PIK3CD: variants seen among roughly 807,000 people sequenced by gnomAD.
PIK3CD encodes phosphatidylinositol 4,5-bisphosphate 3-kinase catalytic subunit delta isoform.
In PIK3CD, 20 loss-of-function variants were observed where a neutral mutation model predicts 122.9. That is an observed-to-expected ratio of 0.16 (90% CI 0.11 to 0.24). PIK3CD has a LOEUF of 0.24. PIK3CD is among the 10% of genes least tolerant of loss of function. PIK3CD has a pLI of 1.00. For missense variants in PIK3CD, 787 were observed against 1,406.3 expected (o/e 0.56, Z 7.04); for synonymous variants, 596 against 593.4 (o/e 1.00, Z -0.06).
chr1:9,674,204 G>C (rs1645427686), intron 1 of PIK3CD, among the ~76,000 whole-genome samples: 1 of 152,194 alleles, frequency 6.6e-6, no homozygotes, highest in Non-Finnish European at 1.5e-5. Context: ...CCAGAAAGGG[G>C]GCATCAGGTA....
chr1:9,653,569 C>T (rs1232559475), intron 1 of PIK3CD: 2 of 352,704 alleles, frequency 5.7e-6, no homozygotes, highest in Admixed American at 3.9e-5. Flanking sequence ...GAGAGGCACC[C>T]TCTAAGATAC....
chr1:9,692,335 C>T (rs1051905423), intron 2 of PIK3CD, among the ~76,000 whole-genome samples: 2 of 152,154 alleles, frequency 1.3e-5, no homozygotes, highest in African/African-American at 4.8e-5. Flanking sequence ...AGCGCGGTGG[C>T]GTCCTTAAAG....
In PIK3CD at chr1:9,658,516, G is replaced by C. The variant is rs1644923607; in HGVS notation, c.-138+6714G>C. Among the ~76,000 whole-genome samples the C allele has an allele frequency of 3.0e-5, 4 of 134,260 alleles. No homozygotes were observed. The Admixed American group carries it at 3.1e-4, about 10-fold the overall frequency. 88.1% of individuals were successfully genotyped at this position (134,260 alleles called of 152,430 possible). On this transcript the variant is annotated intron_variant, in intron 1 of 23. Coordinates refer to ENST00000377346, the MANE Select transcript of PIK3CD (RefSeq NM_005026.5). ...GTCAGCTGAACTGGGTTTTTTCCCA[G>C]CCACATTTTTTTTTTTTTTTTTTTT...
chr1:9,710,056 G>T lies in PIK3CD; in HGVS notation c.-32-368G>T. On this transcript the variant is annotated intron_variant, in intron 2 of 23. Transcript: ENST00000377346. This position sits in a 1 kb window ranked among gnomAD's most constrained non-coding sequence, Gnocchi z 4.7. ...AAGAACTGCAGCCTTCGGCCTCTCA[G>T]GTCTCAGGGCACCTGACCAGCTGTC... 1 of 316,072 alleles carries T rather than the reference G, an allele frequency of 3.2e-6. No individual in the cohort carries two copies. Among genetic ancestry groups the T allele is most frequent in the Non-Finnish European group, 6.2e-6 (1 of 160,610 alleles). 19.6% of individuals were successfully genotyped at this position (316,072 alleles called of 1,614,324 possible).
chr1:9,721,871 A>G lies in PIK3CD; in HGVS notation c.2055+11A>G, dbSNP rs754211782. 6.2e-6 allele frequency: 10 copies of G among 1,612,812 alleles called. No individual in the cohort carries two copies. Among genetic ancestry groups the G allele is most frequent in the South Asian group, 4.4e-5 (4 of 91,066 alleles). ...GTGCTGATGAAGCAGGTGAGGCCCA[A>G]GGCCCTGGGGGGCGGGCAGGGGGCG... is the stretch of plus-strand genomic sequence containing the variant. On this transcript the variant is annotated intron_variant, in intron 16 of 23. Coordinates refer to ENST00000377346, the MANE Select transcript of PIK3CD (RefSeq NM_005026.5).
the PIK3CD span, among the ~76,000 whole-genome samples, chr1:9,645,860 C>A: frequency 6.6e-6 from 1 of 152,182 alleles, no homozygotes; most frequent in African/African-American, 2.4e-5. Context: ...CCTGCCTAGG[C>A]CTCCCAGAGT....
At chr1:9,713,582 A>G (rs895406543) in intron 3 of PIK3CD, among the ~76,000 whole-genome samples, 7 of 151,908 alleles carry the variant, frequency 4.6e-5, no homozygotes, top group African/African-American at 1.7e-4. Flanking sequence ...TTAACTTTAT[A>G]TAGATACCAT....
In PIK3CD at chr1:9,720,443, G is replaced by A. The variant is rs1402217139; in HGVS notation, c.1471-168G>A. On this transcript the variant is annotated intron_variant, in intron 11 of 23. Transcript: ENST00000377346. The surrounding 1 kb of genome is among the most constrained non-coding windows in gnomAD (Gnocchi z 9.0). ...TTTTCGGTTGTCACAGCTGCCAGGAGGGATGCTCTTGGCATCTCGTGAGTG... is the reference window on the plus strand; with the variant it reads ...TTTTCGGTTGTCACAGCTGCCAGGAAGGATGCTCTTGGCATCTCGTGAGTG... The A allele has an allele frequency of 4.9e-6, 7 of 1,428,606 alleles. No homozygotes were observed. The East Asian group carries it at 1.3e-4, about 26-fold the overall frequency. The allele number at this position is 1,428,606 out of a possible 1,614,324, so 88.5% of individuals were successfully genotyped here.
intron 1 of PIK3CD, chr1:9,687,556 G>C (rs1210849380): frequency 6.6e-6 from 1 of 151,970 alleles, no homozygotes; most frequent in Non-Finnish European, 1.5e-5. Context: ...GGCGGGGGAC[G>C]GCAGGAAGGA....
upstream of PIK3CD, among the ~76,000 whole-genome samples, chr1:9,648,055 G>A (rs1644623743): frequency 6.6e-6 from 1 of 152,130 alleles, no homozygotes; most frequent in Non-Finnish European, 1.5e-5. Flanking sequence ...TATTGGTTTG[G>A]TCTGTTGGAC....
At chr1:9,681,824 C>T (rs745676782) in intron 1 of PIK3CD, among the ~76,000 whole-genome samples, 2 of 152,134 alleles carry the variant, frequency 1.3e-5, no homozygotes, top group African/African-American at 4.8e-5. Context: ...AATCTCAGGA[C>T]GGAAGTAACT....
At chr1:9,668,599 G>A (rs369592273) in intron 1 of PIK3CD, among the ~76,000 whole-genome samples, 1 of 152,036 alleles carries the variant, frequency 6.6e-6, no homozygotes, top group Non-Finnish European at 1.5e-5. Context: ...TGTACCAAAT[G>A]TGTAGTCTTT....
chr1:9,655,081 GA>G (rs897457442), intron 1 of PIK3CD, among the ~76,000 whole-genome samples: 45 of 141,068 alleles, frequency 3.2e-4, no homozygotes, highest in African/African-American at 1.1e-3. Flanking sequence ...AAAAAAAAAA[GA>G]AAAAAAAGCT....
chr1:9,658,553 A>C (rs1361028256), intron 1 of PIK3CD, among the ~76,000 whole-genome samples: 1 of 106,418 alleles, frequency 9.4e-6, no homozygotes, highest in Non-Finnish European at 1.7e-5. Context: ...TTGGTGAGGC[A>C]GAGTCTCCCT....
chr1:9,677,643 TAAAAAAAAAAA>T (rs769155771), intron 1 of PIK3CD, among the ~76,000 whole-genome samples: 2 of 90,440 alleles, frequency 2.2e-5, no homozygotes, highest in Non-Finnish European at 4.6e-5. Context: ...AGACCCTGTC[TAAAAAAAAAAA>T]AAAAAAAAAA....
chr1:9,689,588 GCCCTCCGGCC>G lies in PIK3CD; in HGVS notation c.-137-1875_-137-1866del, dbSNP rs1646115885. ...TGCCTGCACCTCGCGCGGCGGGCCT[GCCCTCCGGCC>G]CCCGCCGGCCCCGCGCCGCTGCCCG... On this transcript the variant is annotated intron_variant, in intron 1 of 23. Coordinates refer to ENST00000377346, the MANE Select transcript of PIK3CD (RefSeq NM_005026.5). The surrounding 1 kb of genome is among the most constrained non-coding windows in gnomAD (Gnocchi z 6.1). Among the ~76,000 whole-genome samples, 1 of 150,024 alleles carries G rather than the reference GCCCTCCGGCC, an allele frequency of 6.7e-6. No individual in the cohort carries two copies. The highest frequency in any genetic ancestry group is 2.1e-4 in the South Asian group (1 of 4,794).
intron 5 of PIK3CD, 21 bp downstream of exon 5, chr1:9,716,099 C>T (rs552411672): frequency 1.2e-5 from 19 of 1,583,520 alleles, no homozygotes; most frequent in South Asian, 5.6e-5. Context: ...GCGTGGCCTG[C>T]GGCATCCAGG....
Position 9,722,319 on chromosome 1 carries a change from C to T in PIK3CD, c.2310C>T (p.Ser770=), listed in dbSNP as rs769886373. 36 of 1,613,260 alleles carry T rather than the reference C, an allele frequency of 2.2e-5. No individual in the cohort carries two copies. Among genetic ancestry groups the T allele is most frequent in the South Asian group, 7.7e-5 (7 of 91,024 alleles). The change falls in exon 18 of 24, where the codon AGC becomes AGT. Residue 770 remains serine (S), a synonymous_variant. Transcript: ENST00000377346. The surrounding 1 kb of genome is among the most constrained non-coding windows in gnomAD (Gnocchi z 7.6). ...WIMYSNEEAG[S]GGSVGIIFKN... ...TGTACAGCAACGAGGAGGCAGGCAG[C>T]GGCGGCAGCGTGGGCATCATCTTTA...
In PIK3CD at chr1:9,707,510, C is replaced by T. The variant is rs559886833; in HGVS notation, c.-32-2914C>T. On this transcript the variant is annotated intron_variant, in intron 2 of 23. Coordinates refer to ENST00000377346, the MANE Select transcript of PIK3CD (RefSeq NM_005026.5). ...TGAGTTATTCTTCCTCATCCTCTCC[C>T]GACTCCCACCCTCCACCCTCAGGCC... 3.3e-5 allele frequency among the ~76,000 whole-genome samples: 5 copies of T among 152,098 alleles called. No homozygotes were observed. In the East Asian group the frequency reaches 7.7e-4, roughly 23 times the overall value.
Sources: gnomAD v4.1 joint callset for allele counts (sites outside exome capture counted in the v4.1 genomes callset) on GRCh38, gnomAD v4.1.1 for gene constraint, Gnocchi (gnomAD v3.1) non-coding constraint, MANE v1.5 for transcripts, NCBI Gene and HGNC (gene_info 2026-07-23, HGNC 2026-07-21) for gene names.